POC1B: variants seen among roughly 807,000 people sequenced by gnomAD.
POC1B encodes the protein POC1 centriolar protein B.
Under a neutral mutation model 60.6 loss-of-function variants are expected in POC1B, and 44 were observed. The observed-to-expected ratio is 0.73, with a 90% CI of 0.57 to 0.93. The LOEUF is 0.93. Ranked by LOEUF, POC1B falls within the 40% of genes least tolerant of loss-of-function variation. The pLI, the probability that POC1B is intolerant of heterozygous loss-of-function variation, is 0.00. For synonymous variants in POC1B, 180 were observed against 198.9 expected (o/e 0.90, Z 0.80); for missense variants, 555 against 572.3 (o/e 0.97, Z 0.31).
At chr12:89,416,732 T>A (rs1328083456), downstream of POC1B, among the ~76,000 whole-genome samples, 5 of 152,206 alleles carry the variant, frequency 3.3e-5, no homozygotes, top group African/African-American at 1.2e-4. Flanking sequence ...GCCAGAGACC[T>A]AATTTAGTTA....
rs1882411550 is a variant in POC1B, at chr12:89,459,731, A to G, written c.1033-13T>C. 4.3e-6 allele frequency: 6 copies of G among 1,393,628 alleles called. No individual in the cohort carries two copies. The highest frequency in any genetic ancestry group is 5.8e-6 in the Non-Finnish European group (6 of 1,042,402). 86.3% of individuals were successfully genotyped at this position (1,393,628 alleles called of 1,614,324 possible). ...GCTTTGGATTAATCTGTGTATATAC[A>G]TAAAAAAAAATTATGAGATTTTCAT... On this transcript the variant is annotated splice_polypyrimidine_tract_variant and intron_variant, in intron 9 of 11. Transcript: ENST00000313546.
chr12:89,518,940 C>T (rs1870622189), intron 2 of POC1B, among the ~76,000 whole-genome samples: 1 of 152,142 alleles, frequency 6.6e-6, no homozygotes, highest in African/African-American at 2.4e-5. Flanking sequence ...AAGAGTCATT[C>T]TCAGGCAGTG....
At chr12:89,419,600 G>A (rs1204251104), downstream of POC1B, 1 of 152,150 alleles carries the variant, frequency 6.6e-6, no homozygotes, top group Non-Finnish European at 1.5e-5. Flanking sequence ...ATAGGGCCCA[G>A]GAAACTGTTT....
intron 11 of POC1B, 124 bp downstream of exon 11, chr12:89,425,037 T>G: frequency 4.3e-6 from 4 of 926,252 alleles, no homozygotes; most frequent in South Asian, 1.7e-5. Flanking sequence ...ATTGCCACCT[T>G]GAGTTTGCTT....
chr12:89,525,625 G>A lies in POC1B; in HGVS notation c.15+256C>T, dbSNP rs1473870843. 5 of 1,281,734 alleles carry A rather than the reference G, an allele frequency of 3.9e-6. No homozygotes were observed. In the African/African-American group the frequency reaches 4.6e-5, roughly 12 times the overall value. The allele number at this position is 1,281,734 out of a possible 1,614,324, so 79.4% of individuals were successfully genotyped here. A position where few individuals can be genotyped will look rare whatever the true frequency, so the allele number is the denominator to read the frequency against. ...CGGAAACCCTCCGAGAATTCTGGGG[G>A]CCGTGGGGCCGCCCAGCTCAGTCCG... On this transcript the variant is annotated intron_variant, in intron 1 of 11. Coordinates refer to ENST00000313546, the MANE Select transcript of POC1B (RefSeq NM_172240.3).
chr12:89,466,842 AT>A lies in POC1B; in HGVS notation c.959del (p.Asp320ValfsTer24). On this transcript the variant is annotated frameshift_variant, in exon 9 of 12. Coordinates refer to ENST00000313546, the MANE Select transcript of POC1B (RefSeq NM_172240.3). LOFTEE classifies it high-confidence loss of function. ...AGATATCAAGAAGATGTGGTGGTGA[AT>A]CAAAATGTAATCTTTTGAGATTTCT... The part of the protein sequence containing the change: ...TKRNLKRLHF[D>X]SPPHLLDIYP... 3 of 1,613,078 alleles carry A rather than the reference AT, an allele frequency of 1.9e-6. No individual in the cohort carries two copies. Among genetic ancestry groups the A allele is most frequent in the Non-Finnish European group, 2.5e-6 (3 of 1,179,210 alleles).
intron 10 of POC1B, among the ~76,000 whole-genome samples, chr12:89,437,764 T>C (rs1393824429): frequency 6.6e-6 from 1 of 152,146 alleles, no homozygotes; most frequent in Non-Finnish European, 1.5e-5. Context: ...ATTTTAAAAA[T>C]TGGCCAGGTG....
chr12:89,425,900 T>C (rs936407879), intron 10 of POC1B: 3 of 153,232 alleles, frequency 2.0e-5, no homozygotes, highest in South Asian at 4.1e-4. Context: ...CTCCTACGTA[T>C]ACATCCAGGA....
chr12:89,522,430 A>C, intron 2 of POC1B: 1 of 369,048 alleles, frequency 2.7e-6, no homozygotes, highest in Non-Finnish European at 4.8e-6. Context: ...GTTTTGTTAA[A>C]AAGTGGGATG....
the POC1B span, among the ~76,000 whole-genome samples, chr12:89,405,036 C>A: frequency 2.0e-5 from 3 of 152,292 alleles, no homozygotes; most frequent in East Asian, 5.8e-4. Context: ...ATGTAGAACA[C>A]CTTTATGATA....
chr12:89,477,670 A>C (rs1592613890), intron 4 of POC1B, among the ~76,000 whole-genome samples: 1 of 152,148 alleles, frequency 6.6e-6, no homozygotes, highest in East Asian at 1.9e-4. Context: ...TGCCTCCTTA[A>C]ACCACAATTG....
intron 10 of POC1B, among the ~76,000 whole-genome samples, chr12:89,441,172 G>C (rs1881498330): frequency 1.3e-5 from 2 of 152,214 alleles, no homozygotes; most frequent in Admixed American, 6.5e-5. Context: ...CACCTCTGTA[G>C]ACTTCACCTC....
intron 10 of POC1B, among the ~76,000 whole-genome samples, chr12:89,429,792 G>GA (rs1219200952): frequency 2.0e-5 from 3 of 152,146 alleles, no homozygotes; most frequent in African/African-American, 7.2e-5. Context: ...CAAGACTGCA[G>GA]AAAAAACAAA....
intron 3 of POC1B, 75 bp from the exon 4 acceptor site, chr12:89,492,190 T>C (rs1869016799): frequency 1.7e-6 from 2 of 1,173,958 alleles, no homozygotes. Context: ...ATACAGACTT[T>C]GAAACATATA....
intron 10 of POC1B, among the ~76,000 whole-genome samples, chr12:89,447,251 CAT>C: frequency 6.6e-6 from 1 of 152,144 alleles, no homozygotes; most frequent in Non-Finnish European, 1.5e-5. Flanking sequence ...AATAATATGA[CAT>C]GTTTGAAGTT....
chr12:89,423,437 C>A (rs759124799), intron 11 of POC1B, among the ~76,000 whole-genome samples: 5 of 152,140 alleles, frequency 3.3e-5, no homozygotes, highest in African/African-American at 4.8e-5. Flanking sequence ...TGTGCCCAGC[C>A]CTTCAGACAC....
intron 2 of POC1B, chr12:89,500,876 T>C (rs949987674): frequency 9.7e-5 from 104 of 1,070,066 alleles, no homozygotes; most frequent in Non-Finnish European, 1.3e-4. Context: ...AATGACAAGC[T>C]AAAAAAAGTT....
chr12:89,485,020 G>A (rs1413022615), intron 4 of POC1B, among the ~76,000 whole-genome samples: 2 of 152,200 alleles, frequency 1.3e-5, no homozygotes, highest in African/African-American at 4.8e-5. Context: ...AAAGAAGAAG[G>A]CCCTGACTAA....
chr12:89,472,189 T>C lies in POC1B; in HGVS notation c.539A>G (p.Asn180Ser). Residue 180 changes from asparagine to serine, a missense_variant, in exon 5 of 12, where the codon AAT becomes AGT. Physicochemically the swap from Asn to Ser is conservative, Grantham distance 46. Transcript: ENST00000313546. ...IWDTTNKQCV[N>S]NFSDSVGFAN... Reference sequence around the variant, plus strand: ...TTACCCAACGGAATCTGAGAAGTTATTAACACATTGCTTATTTGTGGTATC... The same window carrying C: ...TTACCCAACGGAATCTGAGAAGTTACTAACACATTGCTTATTTGTGGTATC... The C allele has an allele frequency of 6.3e-7, 1 of 1,595,000 alleles. No individual in the cohort carries two copies. Among genetic ancestry groups the C allele is most frequent in the Non-Finnish European group, 8.6e-7 (1 of 1,163,120 alleles).
Sources: allele counts gnomAD v4.1 joint callset (sites outside exome capture counted in the v4.1 genomes callset), GRCh38; gene constraint gnomAD v4.1.1; transcripts MANE v1.5; gene names NCBI Gene and HGNC (gene_info 2026-07-23, HGNC 2026-07-21).